The following DNAJC13 variants were observed in gnomAD, a reference collection of about 807,000 sequenced individuals.
DNAJC13 encodes dnaJ homolog subfamily C member 13.
A neutral mutation model predicts 290.5 loss-of-function variants in DNAJC13; 75 were observed. The ratio of observed to expected loss-of-function variants is 0.26; its 90% CI spans 0.21 to 0.31. DNAJC13 has a LOEUF of 0.31. Ranked by LOEUF, DNAJC13 falls within the 10% of genes least tolerant of loss-of-function variation. DNAJC13 has a pLI of 1.00. For missense variants in DNAJC13, 2,260 were observed against 2,674.5 expected, an observed-to-expected ratio of 0.85 and a Z score of 3.42; for synonymous variants, 862 against 892.0, an observed-to-expected ratio of 0.97 and a Z score of 0.60.
intron 29 of DNAJC13, among the ~76,000 whole-genome samples, chr3:132,487,757 A>G (rs1177598465): frequency 6.6e-6 from 1 of 151,952 alleles, no homozygotes; most frequent in Non-Finnish European, 1.5e-5. Context: ...TAATTCCAGA[A>G]ATTCCCTTCA....
rs773543943 is a variant in DNAJC13, at chr3:132,491,041, A to G, written c.3613A>G (p.Ser1205Gly). ...TGATACTCCAGAAGCAATCTGGAGC[A>G]GTGAAATGAGGTAAATAACCAGTTG... ...EFDTPEAIWS[S>G]EMRRLMIEKI... The change falls in exon 32 of 56, where the codon AGT becomes GGT. Residue 1205 changes from serine to glycine, a missense_variant. By Grantham distance (56) the Ser-to-Gly change is moderately conservative. Around this residue, in one of 3 missense-constraint regions of DNAJC13, gnomAD observed 1,494 missense variants for 1,693.7 expected, o/e 0.88. Coordinates refer to ENST00000260818, the MANE Select transcript of DNAJC13 (RefSeq NM_015268.4). The G allele has an allele frequency of 6.2e-7, 1 of 1,601,674 alleles. No homozygotes were observed.
In DNAJC13 at chr3:132,538,423, G is replaced by A; in HGVS notation, c.*141G>A. ...CCTTTTTCTATAAATATATTTTTAGGAAAAAAAGTCAGTGATCCTAATTGT... is the reference window on the plus strand; with the variant it reads ...CCTTTTTCTATAAATATATTTTTAGAAAAAAAAGTCAGTGATCCTAATTGT... On this transcript the variant is annotated 3_prime_UTR_variant, in exon 56 of 56. Transcript: ENST00000260818. 3.2e-6 allele frequency: 2 copies of A among 631,026 alleles called. No homozygotes were observed. The highest frequency in any genetic ancestry group is 5.2e-6 in the Non-Finnish European group (2 of 385,560). 39.1% of individuals were successfully genotyped at this position (631,026 alleles called of 1,614,324 possible).
Position 132,475,059 on chromosome 3 carries a change from A to C in DNAJC13, c.2419A>C (p.Ile807Leu). ...CAGAGAACTTGGAAGTGCAAATGTGATCTCCTGGAACCACCATGAGTTTGA... is the reference window on the plus strand; with the variant it reads ...CAGAGAACTTGGAAGTGCAAATGTGCTCTCCTGGAACCACCATGAGTTTGA... Reference protein sequence around the residue: ...IDRELGSANVISWNHHEFEVK... With the variant: ...IDRELGSANVLSWNHHEFEVK... The change falls in exon 22 of 56, where the codon ATC becomes CTC. Residue 807 changes from isoleucine (I) to leucine (L), a missense_variant. Coordinates refer to ENST00000260818, the MANE Select transcript of DNAJC13 (RefSeq NM_015268.4). The C allele has an allele frequency of 6.2e-7, 1 of 1,608,510 alleles. No homozygotes were observed. Among genetic ancestry groups the C allele is most frequent in the South Asian group, 1.1e-5 (1 of 90,350 alleles).
chr3:132,436,449 C>G (rs1364409699), intron 2 of DNAJC13, among the ~76,000 whole-genome samples: 1 of 152,182 alleles, frequency 6.6e-6, no homozygotes, highest in Non-Finnish European at 1.5e-5. Flanking sequence ...ATCCATTCAT[C>G]AACTGACAGA....
At position 132,507,844 on chromosome 3, in the gene DNAJC13, G is replaced by A. The variant is rs191614648; in HGVS notation, c.5115+491G>A. On this transcript the variant is annotated intron_variant, in intron 43 of 55. Coordinates refer to ENST00000260818, the MANE Select transcript of DNAJC13 (RefSeq NM_015268.4). ...TGCAACGGCCTCTAGGTGTTCAAGC[G>A]AAAGGAAGAGTCACAGGTCTCTCAC... Among the ~76,000 whole-genome samples, 332 of 152,234 alleles carry A rather than the reference G, an allele frequency of 2.2e-3. 1 individual carries two copies. The highest frequency in any genetic ancestry group is 7.6e-3 in the African/African-American group (317 of 41,546).
In DNAJC13 at chr3:132,490,200, C is replaced by G. The variant is rs187741333; in HGVS notation, c.3469-697C>G. Among the ~76,000 whole-genome samples, 97 of 152,100 alleles carry G rather than the reference C, an allele frequency of 6.4e-4. 1 individual carries two copies. Among genetic ancestry groups the G allele is most frequent in the Middle Eastern group, 6.8e-3 (2 of 294 alleles). Reference sequence around the variant, plus strand: ...GATAAAACAATGTTTGGGTTTTTTCCCTCGTCTCTTTGTTTTATCCTAGAG... The same window carrying G: ...GATAAAACAATGTTTGGGTTTTTTCGCTCGTCTCTTTGTTTTATCCTAGAG... On this transcript the variant is annotated intron_variant, in intron 31 of 55. Transcript: ENST00000260818.
In DNAJC13 at chr3:132,538,180, T is replaced by C; in HGVS notation, c.6630T>C (p.Pro2210=). 1 of 1,613,672 alleles carries C rather than the reference T, an allele frequency of 6.2e-7. No homozygotes were observed. Among genetic ancestry groups the C allele is most frequent in the Non-Finnish European group, 8.5e-7 (1 of 1,179,762 alleles). ...ESQTAGYLTG[P]GVAGYLTAGT... ...GTTTACCTTTCTCTCTTGCAGGACC[T>C]GGAGTTGCTGGCTACCTTACCGCAG... The change falls in exon 56 of 56, where the codon CCT becomes CCC. Residue 2210 remains proline (P), a synonymous_variant. Coordinates refer to ENST00000260818, the MANE Select transcript of DNAJC13 (RefSeq NM_015268.4).
At chr3:132,503,698 A>G (rs1195481778) in intron 41 of DNAJC13, among the ~76,000 whole-genome samples, 1 of 152,286 alleles carries the variant, frequency 6.6e-6, no homozygotes, top group East Asian at 1.9e-4. Flanking sequence ...CTACTGGGAG[A>G]CAGGAGACCC....
At chr3:132,456,637 T>C (rs1447429797) in intron 11 of DNAJC13, 26 bp from the exon 12 acceptor site, 2 of 1,612,940 alleles carry the variant, frequency 1.2e-6, no homozygotes, top group East Asian at 2.2e-5. Flanking sequence ...ATGGAAACTT[T>C]TTTGAAATAC....
intron 32 of DNAJC13, among the ~76,000 whole-genome samples, chr3:132,491,845 A>C (rs1334460718): frequency 6.6e-6 from 1 of 152,164 alleles, no homozygotes; most frequent in Non-Finnish European, 1.5e-5. Context: ...GTTAGCCAGC[A>C]ATTTGAATAT....
In DNAJC13 at chr3:132,538,366, T is replaced by A. The variant is rs1576532002; in HGVS notation, c.*84T>A. 3 of 1,013,490 alleles carry A rather than the reference T, an allele frequency of 3.0e-6. No individual in the cohort carries two copies. The highest frequency in any genetic ancestry group is 1.6e-5 in the African/African-American group (1 of 62,948). 62.8% of individuals were successfully genotyped at this position (1,013,490 alleles called of 1,614,324 possible). ...CTGATACGTTGAAGCAAACTCTTAC[T>A]GCCTTTCTCCTGGTTTCATGACAGT... On this transcript the variant is annotated 3_prime_UTR_variant, in exon 56 of 56. Coordinates refer to ENST00000260818, the MANE Select transcript of DNAJC13 (RefSeq NM_015268.4).
intron 48 of DNAJC13, among the ~76,000 whole-genome samples, chr3:132,520,653 G>A (rs770946264): frequency 2.6e-5 from 4 of 152,168 alleles, no homozygotes; most frequent in Admixed American, 6.5e-5. Flanking sequence ...AAAAGTATCA[G>A]ATGACAGTAG....
rs531996597 is a variant in DNAJC13, at chr3:132,526,346, A to G, written c.6381+65A>G. On this transcript the variant is annotated intron_variant, in intron 53 of 55. Coordinates refer to ENST00000260818, the MANE Select transcript of DNAJC13 (RefSeq NM_015268.4). ...AAACATACCAAGTAGATTTTTACCT[A>G]TTTGGTACTGATTTGGTTTCCTTGA... 1.1e-4 allele frequency: 178 copies of G among 1,591,384 alleles called. No homozygotes were observed. In the African/African-American group the frequency reaches 2.2e-3, roughly 20 times the overall value.
In DNAJC13 at chr3:132,504,136, G is replaced by A. The variant is rs182629919; in HGVS notation, c.4884+755G>A. 2.7e-3 allele frequency among the ~76,000 whole-genome samples: 406 copies of A among 151,832 alleles called. 3 individuals are homozygous for A. The highest frequency in any genetic ancestry group is 8.2e-3 in the African/African-American group (340 of 41,418). On this transcript the variant is annotated intron_variant, in intron 41 of 55. Coordinates refer to ENST00000260818, the MANE Select transcript of DNAJC13 (RefSeq NM_015268.4). Reference sequence around the variant, plus strand: ...TATAGGCAGTTTTTCTTTTGTTTTCGCTAAGGATGAACTGTGACTTTTGTA... The same window carrying A: ...TATAGGCAGTTTTTCTTTTGTTTTCACTAAGGATGAACTGTGACTTTTGTA...
Position 132,478,113 on chromosome 3 carries a change from C to G in DNAJC13, c.2682C>G (p.Thr894=). Residue 894 remains threonine, a synonymous_variant, in exon 24 of 56, where the codon ACC becomes ACG. Coordinates refer to ENST00000260818, the MANE Select transcript of DNAJC13 (RefSeq NM_015268.4). ...CHEEIGPFTD[T]RYIIGMLERC... is the part of the protein sequence containing the mutation. ...AAGAAATAGGACCTTTTACAGATAC[C>G]AGATATATCATTGGAATGTTAGAGA... is the stretch of plus-strand genomic sequence containing the variant. The G allele has an allele frequency of 6.2e-7, 1 of 1,611,270 alleles. No individual in the cohort carries two copies. Among genetic ancestry groups the G allele is most frequent in the Non-Finnish European group, 8.5e-7 (1 of 1,179,124 alleles).
intron 1 of DNAJC13, among the ~76,000 whole-genome samples, chr3:132,426,067 C>T (rs1290894588): frequency 1.3e-5 from 2 of 151,278 alleles, no homozygotes; most frequent in Non-Finnish European, 3.0e-5. Flanking sequence ...GCCAGTATTA[C>T]TGCCAGTAAT....
chr3:132,457,419 G>C (rs776468332), intron 13 of DNAJC13, 51 bp downstream of exon 13: 2 of 1,436,908 alleles, frequency 1.4e-6, no homozygotes, highest in South Asian at 2.4e-5. Context: ...TTGACTGGTG[G>C]TTTTGATTTC....
chr3:132,452,651 TG>T (rs1342002189), intron 6 of DNAJC13, among the ~76,000 whole-genome samples: 1 of 152,224 alleles, frequency 6.6e-6, no homozygotes, highest in Non-Finnish European at 1.5e-5. Context: ...AAATGCTTGT[TG>T]GGGCATTTCA....
At chr3:132,425,134 A>G (rs567258564) in intron 1 of DNAJC13, among the ~76,000 whole-genome samples, 1 of 152,310 alleles carries the variant, frequency 6.6e-6, no homozygotes, top group South Asian at 2.1e-4. Flanking sequence ...TAGATCCTCA[A>G]GAAGCCAATA....
Sources: allele counts gnomAD v4.1 joint callset (sites outside exome capture counted in the v4.1 genomes callset), GRCh38; gene constraint gnomAD v4.1.1; regional missense constraint gnomAD v4.1.1; transcripts MANE v1.5; gene names NCBI Gene and HGNC (gene_info 2026-07-23, HGNC 2026-07-21).